The following CDH9 variants were observed in gnomAD, a reference collection of about 807,000 sequenced individuals.
The protein encoded by CDH9 is cadherin-9.
A neutral mutation model predicts 70.9 loss-of-function variants in CDH9; 28 were observed. That is an observed-to-expected ratio of 0.40 (90% CI 0.29 to 0.54). CDH9 has a LOEUF of 0.54. CDH9 is among the 20% of genes least tolerant of loss of function. The pLI is 0.59. For synonymous variants in CDH9, 409 were observed against 343.1 expected, an observed-to-expected ratio of 1.19 and a Z score of -2.12; for missense variants, 874 against 984.4, an observed-to-expected ratio of 0.89 and a Z score of 1.50.
At chr5:26,883,159 G>T (rs1399115031) in intron 11 of CDH9, among the ~76,000 whole-genome samples, 4 of 141,148 alleles carry the variant, frequency 2.8e-5, no homozygotes, top group Admixed American at 7.3e-5. Flanking sequence ...GATTAATTAA[G>T]TCCAACATAG....
At chr5:27,034,781 GAAGACTATGTCTT>G (rs1561048179) in intron 1 of CDH9, among the ~76,000 whole-genome samples, 2 of 151,768 alleles carry the variant, frequency 1.3e-5, no homozygotes, top group Admixed American at 1.3e-4. Context: ...AATGTGGCTA[GAAGACTATGTCTT>G]ACTAGTGCTA....
intron 3 of CDH9, among the ~76,000 whole-genome samples, chr5:26,910,224 C>T (rs62346385): frequency 0.12 from 18,271 of 149,276 alleles, 1,282 homozygotes; most frequent in Middle Eastern, 0.33. Context: ...ATCTATCATC[C>T]ATCTATCTAT....
chr5:27,000,012 A>T (rs1742737130), intron 1 of CDH9, among the ~76,000 whole-genome samples: 1 of 152,188 alleles, frequency 6.6e-6, no homozygotes, highest in Non-Finnish European at 1.5e-5. Flanking sequence ...TAAAAGTATG[A>T]TTCATTAAAA....
rs767592770 is a variant in CDH9 at position 26,988,267 on chromosome 5, G to A, written c.67C>T (p.Leu23=). 8 of 1,613,230 alleles carry A rather than the reference G, an allele frequency of 5.0e-6. No homozygotes were observed. The Admixed American group carries it at 1.3e-4, about 27-fold the overall frequency. The change falls in exon 2 of 12, where the codon CTA becomes TTA. Residue 23 remains leucine (L), a synonymous_variant. Transcript: ENST00000231021. The part of the protein sequence containing the change: ...TYMFHTVDTI[L]LQEKPNSYLS... ...TAACTGTTAGGTTTTTCTTGTAATA[G>A]GATGGTGTCAACTGTATGGAACATA...
chr5:26,967,045 A>T (rs1423014335), intron 2 of CDH9, among the ~76,000 whole-genome samples: 14 of 151,908 alleles, frequency 9.2e-5, no homozygotes, highest in Admixed American at 6.6e-4. Context: ...CGATCCTCTC[A>T]CCTCAGCCTT....
At chr5:26,927,878 A>G (rs1044654374) in intron 2 of CDH9, among the ~76,000 whole-genome samples, 13 of 152,014 alleles carry the variant, frequency 8.6e-5, no homozygotes, top group Admixed American at 6.6e-5. Flanking sequence ...TACTTCTCTT[A>G]TTAGTGGCCC....
At chr5:26,956,000 T>C (rs1741940109) in intron 2 of CDH9, among the ~76,000 whole-genome samples, 1 of 152,146 alleles carries the variant, frequency 6.6e-6, no homozygotes, top group Non-Finnish European at 1.5e-5. Flanking sequence ...TAATTGCCAT[T>C]TTAACAGTAT....
At chr5:26,956,488 T>A (rs918681469) in intron 2 of CDH9, among the ~76,000 whole-genome samples, 8 of 152,186 alleles carry the variant, frequency 5.3e-5, no homozygotes, top group African/African-American at 1.9e-4. Flanking sequence ...ATCAGAGACA[T>A]CCTAAGGCTG....
intron 1 of CDH9, among the ~76,000 whole-genome samples, chr5:26,989,481 G>A (rs1328436288): frequency 6.6e-6 from 1 of 151,188 alleles, no homozygotes; most frequent in Admixed American, 6.6e-5. Context: ...TTAGGGGCTT[G>A]AGTATTATAT....
chr5:26,884,858 T>A (rs1280207783), intron 11 of CDH9, among the ~76,000 whole-genome samples: 1 of 152,188 alleles, frequency 6.6e-6, no homozygotes, highest in East Asian at 1.9e-4. Flanking sequence ...TTGAATTAAA[T>A]CGTTGTCCTG....
chr5:26,916,306 A>G (rs1362109076), intron 2 of CDH9, among the ~76,000 whole-genome samples: 3 of 151,970 alleles, frequency 2.0e-5, no homozygotes, highest in Non-Finnish European at 2.9e-5. Context: ...ACTAAGCTCT[A>G]AGATATGATT....
intron 2 of CDH9, among the ~76,000 whole-genome samples, chr5:26,974,866 C>G (rs138002997): frequency 6.6e-6 from 1 of 151,878 alleles, no homozygotes; most frequent in African/African-American, 2.4e-5. Context: ...CTACTCTCTT[C>G]GCAAATTTCA....
chr5:27,021,150 A>T (rs1354576440), intron 1 of CDH9, among the ~76,000 whole-genome samples: 1 of 151,764 alleles, frequency 6.6e-6, no homozygotes, highest in Non-Finnish European at 1.5e-5. Context: ...TCCTATTTTC[A>T]TATTATAATC....
At chr5:26,892,415 A>G (rs1740675741) in intron 7 of CDH9, among the ~76,000 whole-genome samples, 1 of 152,196 alleles carries the variant, frequency 6.6e-6, no homozygotes, top group African/African-American at 2.4e-5. Context: ...CCTATGCTGT[A>G]GCTCCACAGG....
intron 3 of CDH9, 142 bp downstream of exon 3, chr5:26,915,488 A>G (rs555462027): frequency 1.8e-6 from 1 of 548,258 alleles, no homozygotes; most frequent in South Asian, 2.9e-5. Flanking sequence ...TAAAAATAGA[A>G]GAGCTAGTTT....
chr5:26,988,869 C>G (rs746144225), intron 1 of CDH9, among the ~76,000 whole-genome samples: 4 of 152,038 alleles, frequency 2.6e-5, no homozygotes, highest in East Asian at 1.9e-4. Context: ...CAATCCTCCT[C>G]ATCCATCAGA....
chr5:26,904,531 C>A (rs964379014), intron 5 of CDH9, among the ~76,000 whole-genome samples: 1 of 151,980 alleles, frequency 6.6e-6, no homozygotes, highest in African/African-American at 2.4e-5. Context: ...TTATTTAATC[C>A]TCACACTAGT....
intron 2 of CDH9, among the ~76,000 whole-genome samples, chr5:26,958,480 T>C (rs1352677265): frequency 1.3e-5 from 2 of 152,314 alleles, no homozygotes; most frequent in East Asian, 1.9e-4. Flanking sequence ...ACAGGCACCT[T>C]TAAGGCACAC....
chr5:26,963,598 G>C (rs1209049541), intron 2 of CDH9, among the ~76,000 whole-genome samples: 1 of 152,014 alleles, frequency 6.6e-6, no homozygotes, highest in East Asian at 1.9e-4. Flanking sequence ...AAGGTTCCGA[G>C]ATAGAGAAAC....
Sources: allele counts gnomAD v4.1 joint callset (sites outside exome capture counted in the v4.1 genomes callset), GRCh38; gene constraint gnomAD v4.1.1; transcripts MANE v1.5; gene names NCBI Gene and HGNC (gene_info 2026-07-23, HGNC 2026-07-21).